Variants in PFKFB2 observed in about 807,000 individuals in gnomAD.
PFKFB2 encodes 6-phosphofructo-2-kinase/fructose-2,6-bisphosphatase 2.
A neutral mutation model predicts 68.0 loss-of-function variants in PFKFB2; 53 were observed. The observed-to-expected ratio is 0.78, with a 90% CI of 0.63 to 0.98. The LOEUF (loss-of-function observed/expected upper bound fraction) is 0.98, where lower values mean the gene tolerates loss of function less well. Among genes scored for constraint, PFKFB2 ranks in the 50% least tolerant of loss-of-function variants. The pLI, the probability that PFKFB2 is intolerant of heterozygous loss-of-function variation, is 0.00. For synonymous variants in PFKFB2, 222 were observed against 227.6 expected (o/e 0.98, Z 0.22); for missense variants, 451 against 642.0 (o/e 0.70, Z 3.22).
intron 2 of PFKFB2, among the ~76,000 whole-genome samples, chr1:207,055,395 A>T (rs1682888138): frequency 6.6e-6 from 1 of 152,064 alleles, no homozygotes; most frequent in Admixed American, 6.6e-5. Context: ...TCACATGAGC[A>T]TTTTCATTTC....
intron 10 of PFKFB2, among the ~76,000 whole-genome samples, chr1:207,069,145 C>A (rs551063095): frequency 5.9e-5 from 9 of 152,098 alleles, no homozygotes; most frequent in Non-Finnish European, 1.0e-4. Flanking sequence ...TCCTTTTAGC[C>A]TCTTGACTTT....
chr1:207,078,978 C>A, downstream of PFKFB2: 1 of 1,612,204 alleles, frequency 6.2e-7, no homozygotes, highest in Non-Finnish European at 8.5e-7. Flanking sequence ...ACTGGCTGTG[C>A]GCAGACGCCC....
Position 207,054,678 on chromosome 1 carries a change from T to C in PFKFB2, c.-17-23T>C, listed in dbSNP as rs774170638. 13 of 1,507,924 alleles carry C rather than the reference T, an allele frequency of 8.6e-6. No homozygotes were observed. In the South Asian group the frequency reaches 1.5e-4, roughly 17 times the overall value. The allele number at this position is 1,507,924 out of a possible 1,614,324, so 93.4% of individuals were successfully genotyped here. On this transcript the variant is annotated intron_variant, in intron 1 of 14. Coordinates refer to ENST00000367080, the MANE Select transcript of PFKFB2 (RefSeq NM_006212.2). ...TCTTCTTTCTTCCCCTTCCCTTTTTTACATTCTACTTCTCTGTTTCAGACA... is the reference window on the plus strand; with the variant it reads ...TCTTCTTTCTTCCCCTTCCCTTTTTCACATTCTACTTCTCTGTTTCAGACA...
upstream of PFKFB2, chr1:207,049,337 C>A: frequency 6.2e-7 from 1 of 1,614,174 alleles, no homozygotes; most frequent in East Asian, 2.2e-5. Context: ...TCAATTCTTA[C>A]TGTCTGTGTA....
chr1:207,081,001 T>C (rs1340971093), downstream of PFKFB2: 1 of 149,450 alleles, frequency 6.7e-6, no homozygotes, highest in Non-Finnish European at 1.5e-5. Flanking sequence ...AATAAGAACA[T>C]AAAATAAAAT....
rs923109 is a variant in PFKFB2, at chr1:207,070,506, A to G, written c.1222+97A>G. ...CTGGGAAACAGACCTCCCTGTCTCC[A>G]CTCAAATTAGAGTACTTTCTCCAGA... On this transcript the variant is annotated intron_variant, in intron 12 of 14. Coordinates refer to ENST00000367080, the MANE Select transcript of PFKFB2 (RefSeq NM_006212.2). This position sits in a 1 kb window ranked among gnomAD's most constrained non-coding sequence, Gnocchi z 4.2. 1,014,308 of 1,332,888 alleles carry G rather than the reference A, an allele frequency of 0.76. 389,346 individuals are homozygous for G. The highest frequency in any genetic ancestry group is 0.99 in the East Asian group (40,546 of 40,940). 82.6% of individuals were successfully genotyped at this position (1,332,888 alleles called of 1,614,324 possible).
rs780905072 is a variant in PFKFB2 at position 207,068,263 on chromosome 1, T to A, written c.941T>A (p.Leu314His). ...AGGACCATACAGACTGCTGAATCTCTCGGGGTGCCCTATGAGCAGTGGAAG... is the reference window on the plus strand; with the variant it reads ...AGGACCATACAGACTGCTGAATCTCACGGGGTGCCCTATGAGCAGTGGAAG... Reference protein sequence around the residue: ...LKRTIQTAESLGVPYEQWKIL... With the variant: ...LKRTIQTAESHGVPYEQWKIL... The change falls in exon 10 of 15, where the codon CTC becomes CAC. Residue 314 changes from leucine to histidine, a missense_variant. Transcript: ENST00000367080. 9 of 1,611,126 alleles carry A rather than the reference T, an allele frequency of 5.6e-6. No homozygotes were observed. The highest frequency in any genetic ancestry group is 4.0e-5 in the African/African-American group (3 of 74,768).
chr1:207,055,121 G>C (rs1682881424), intron 2 of PFKFB2, among the ~76,000 whole-genome samples: 1 of 152,152 alleles, frequency 6.6e-6, no homozygotes, highest in Non-Finnish European at 1.5e-5. Flanking sequence ...CAATGAGTAA[G>C]GCACAGTTGC....
In PFKFB2 at chr1:207,074,877, A is replaced by G. The variant is rs954639442; in HGVS notation, c.*2506A>G. ...CTGACTTTTCTGTTGTCCTATGGCT[A>G]TGAGACTACAGGGGTTGGGGGATGG... On this transcript the variant is annotated 3_prime_UTR_variant, in exon 15 of 15. Transcript: ENST00000367080. The G allele has an allele frequency of 1.4e-5, 14 of 985,332 alleles. No homozygotes were observed. In the South Asian group the frequency reaches 2.3e-4, roughly 17 times the overall value. 61.0% of individuals were successfully genotyped at this position (985,332 alleles called of 1,614,324 possible).
chr1:207,056,885 C>T lies in PFKFB2; in HGVS notation c.85+2083C>T, dbSNP rs1344227842. 2.6e-5 allele frequency among the ~76,000 whole-genome samples: 4 copies of T among 152,164 alleles called. No individual in the cohort carries two copies. In the East Asian group the frequency reaches 7.7e-4, roughly 29 times the overall value. ...ATAGAGCTGTACTTTGGAGCTGGTT[C>T]ACCTGGCAGCTTAGTGTTCACATCA... is the stretch of plus-strand genomic sequence containing the variant. On this transcript the variant is annotated intron_variant, in intron 2 of 14. Coordinates refer to ENST00000367080, the MANE Select transcript of PFKFB2 (RefSeq NM_006212.2).
Position 207,063,745 on chromosome 1 carries a change from C to G in PFKFB2, c.451-28C>G, listed in dbSNP as rs1325995595. On this transcript the variant is annotated intron_variant, in intron 6 of 14. Coordinates refer to ENST00000367080, the MANE Select transcript of PFKFB2 (RefSeq NM_006212.2). The surrounding 1 kb of genome is among the most constrained non-coding windows in gnomAD (Gnocchi z 4.1). ...TTAACAGCCTGGCATTTTTGACTTGCTTATCACTGCCTTCTCTCCATGGCC... is the reference window on the plus strand; with the variant it reads ...TTAACAGCCTGGCATTTTTGACTTGGTTATCACTGCCTTCTCTCCATGGCC... 6.2e-7 allele frequency: 1 copy of G among 1,603,812 alleles called. No homozygotes were observed. The highest frequency in any genetic ancestry group is 8.5e-7 in the Non-Finnish European group (1 of 1,170,718).
chr1:207,070,671 A>C lies in PFKFB2; in HGVS notation c.1222+262A>C. The C allele has an allele frequency of 4.8e-6, 2 of 415,818 alleles. No homozygotes were observed. Among genetic ancestry groups the C allele is most frequent in the Non-Finnish European group, 8.9e-6 (2 of 225,564 alleles). The allele number at this position is 415,818 out of a possible 1,614,324, so 25.8% of individuals were successfully genotyped here. On this transcript the variant is annotated intron_variant, in intron 12 of 14. Coordinates refer to ENST00000367080, the MANE Select transcript of PFKFB2 (RefSeq NM_006212.2). The surrounding 1 kb of genome is among the most constrained non-coding windows in gnomAD (Gnocchi z 4.2). ...GCTCAAGGGCCAGTGTCATGCTGAC[A>C]CTCCTGGCAGCATCAGGACAGTGGT...
At chr1:207,072,164 T>A in intron 14 of PFKFB2, 40 bp from the exon 15 acceptor site, 1 of 1,603,864 alleles carries the variant, frequency 6.2e-7, no homozygotes, top group South Asian at 1.1e-5. Context: ...AGCTTTTGGC[T>A]TGGCTTTCAT....
chr1:207,071,348 A>G, intron 13 of PFKFB2, 98 bp downstream of exon 13: 1 of 1,158,438 alleles, frequency 8.6e-7, no homozygotes, highest in Admixed American at 1.7e-5. Context: ...ATCCCTATAT[A>G]CCAGGGAAGC....
chr1:207,052,443 C>G (rs1416815600), upstream of PFKFB2: 1 of 481,038 alleles, frequency 2.1e-6, no homozygotes, highest in Admixed American at 3.7e-5. Context: ...GGGTGAATCA[C>G]CCGAGGTCAG....
intron 1 of PFKFB2, among the ~76,000 whole-genome samples, chr1:207,040,810 G>A (rs551108855): frequency 2.6e-5 from 4 of 151,552 alleles, no homozygotes; most frequent in Non-Finnish European, 5.9e-5. Flanking sequence ...TGTAGCCTTC[G>A]CCACATAACT....
chr1:207,063,203 G>A lies in PFKFB2; in HGVS notation c.369G>A (p.Gln123=). 6.2e-7 allele frequency: 1 copy of A among 1,613,660 alleles called. No individual in the cohort carries two copies. Among genetic ancestry groups the A allele is most frequent in the South Asian group, 1.1e-5 (1 of 91,070 alleles). Residue 123 remains glutamine, a synonymous_variant, in exon 5 of 15, where the codon CAG becomes CAA. Transcript: ENST00000367080. The surrounding 1 kb of genome is among the most constrained non-coding windows in gnomAD (Gnocchi z 4.1). ...CGTATCTCACTGAGGAGAATGGTCAGATTGCGGTAAGCTTTATCTGCTGCT... is the reference window on the plus strand; with the variant it reads ...CGTATCTCACTGAGGAGAATGGTCAAATTGCGGTAAGCTTTATCTGCTGCT... ...VKAYLTEENG[Q]IAVFDATNTT... is the part of the protein sequence containing the mutation.
chr1:207,043,885 C>T (rs1038945669), intron 2 of PFKFB2: 6 of 152,574 alleles, frequency 3.9e-5, no homozygotes, highest in Non-Finnish European at 7.4e-5. Flanking sequence ...AAACAAGTCA[C>T]TTAATACAGC....
chr1:207,062,791 G>T, intron 4 of PFKFB2, 75 bp downstream of exon 4: 3 of 1,384,136 alleles, frequency 2.2e-6, no homozygotes, highest in Non-Finnish European at 2.0e-6. Context: ...GACAGGGCTT[G>T]GTTTCATCTC....
Sources: allele counts gnomAD v4.1 joint callset (sites outside exome capture counted in the v4.1 genomes callset), GRCh38; gene constraint gnomAD v4.1.1; non-coding constraint Gnocchi (gnomAD v3.1); transcripts MANE v1.5; gene names NCBI Gene and HGNC (gene_info 2026-07-23, HGNC 2026-07-21).